Variants in ARL15 observed in about 807,000 individuals in gnomAD.
The protein encoded by ARL15 is ADP-ribosylation factor-like protein 15.
ARL15 carries 19 observed loss-of-function variants against 25.2 expected under a neutral mutation model. The observed-to-expected ratio is 0.75, with a 90% CI of 0.53 to 1.10. The LOEUF is 1.10. ARL15 is among the 50% of genes least tolerant of loss of function. ARL15 has a pLI of 0.00. For missense variants in ARL15, 220 were observed against 246.0 expected (o/e 0.89, Z 0.71); for synonymous variants, 94 against 86.8 (o/e 1.08, Z -0.46).
chr5:53,957,528 G>A (rs935086284), intron 4 of ARL15, among the ~76,000 whole-genome samples: 1 of 151,970 alleles, frequency 6.6e-6, no homozygotes, highest in Non-Finnish European at 1.5e-5. Flanking sequence ...AAGACATAAA[G>A]AATGCCGTTA....
chr5:54,178,144 T>C (rs528689587), intron 1 of ARL15, among the ~76,000 whole-genome samples: 2 of 152,280 alleles, frequency 1.3e-5, no homozygotes, highest in African/African-American at 4.8e-5. Flanking sequence ...TAGACGAGAA[T>C]CTAGCTCAAA....
intron 1 of ARL15, among the ~76,000 whole-genome samples, chr5:54,295,947 G>T (rs554157644): frequency 6.6e-6 from 1 of 152,286 alleles, no homozygotes; most frequent in African/African-American, 2.4e-5. Context: ...GGAACTGAAG[G>T]CTCCAAACAA....
intron 4 of ARL15, among the ~76,000 whole-genome samples, chr5:54,071,979 G>GAAAAAAA (rs71989027): frequency 1.6e-3 from 199 of 125,946 alleles, no homozygotes; most frequent in Non-Finnish European, 2.2e-3. Flanking sequence ...CTCAAAAAAA[G>GAAAAAAA]AAAAAAAAAA....
intron 4 of ARL15, among the ~76,000 whole-genome samples, chr5:53,922,557 A>G (rs952808292): frequency 3.3e-5 from 5 of 152,224 alleles, no homozygotes; most frequent in Non-Finnish European, 7.3e-5. Context: ...CGTTGGTGGC[A>G]GTGCTGTAGT....
intron 4 of ARL15, among the ~76,000 whole-genome samples, chr5:53,898,595 T>C (rs979295818): frequency 6.6e-6 from 1 of 152,118 alleles, no homozygotes; most frequent in Admixed American, 6.5e-5. Context: ...ATTTTTTTAA[T>C]TGTATTCCTT....
At chr5:54,042,228 C>T (rs1173778591) in intron 4 of ARL15, among the ~76,000 whole-genome samples, 1 of 152,172 alleles carries the variant, frequency 6.6e-6, no homozygotes, top group Non-Finnish European at 1.5e-5. Context: ...CTCAGCCTCC[C>T]AAAGTGCTGG....
chr5:54,099,548 C>T (rs994598411), intron 4 of ARL15, among the ~76,000 whole-genome samples: 3 of 151,880 alleles, frequency 2.0e-5, no homozygotes, highest in Admixed American at 6.6e-5. Context: ...CTTTAAGTAC[C>T]CTCAAAGGAA....
At chr5:53,890,500 A>G (rs931791806) in intron 4 of ARL15, among the ~76,000 whole-genome samples, 7 of 152,248 alleles carry the variant, frequency 4.6e-5, no homozygotes, top group South Asian at 2.1e-4. Context: ...AACTTCTTGA[A>G]TAAGGAGATA....
At chr5:54,241,505 C>T (rs1756956503) in intron 1 of ARL15, among the ~76,000 whole-genome samples, 1 of 151,830 alleles carries the variant, frequency 6.6e-6, no homozygotes, top group African/African-American at 2.4e-5. Context: ...TTTCCAAGAC[C>T]ACATGATTTT....
At chr5:53,893,791 C>T (rs888241936) in intron 4 of ARL15, among the ~76,000 whole-genome samples, 5 of 152,164 alleles carry the variant, frequency 3.3e-5, no homozygotes, top group Non-Finnish European at 7.4e-5. Flanking sequence ...CACGCCATGG[C>T]TCCAGGACAG....
intron 1 of ARL15, among the ~76,000 whole-genome samples, chr5:54,239,963 C>G (rs900234131): frequency 2.6e-5 from 4 of 152,170 alleles, no homozygotes; most frequent in Non-Finnish European, 5.9e-5. Flanking sequence ...CGCGGTGGCT[C>G]AGGCCTGTAA....
intron 1 of ARL15, among the ~76,000 whole-genome samples, chr5:54,251,978 G>A (rs558837206): frequency 6.6e-6 from 1 of 152,310 alleles, no homozygotes; most frequent in African/African-American, 2.4e-5. Flanking sequence ...AGAGGACCAC[G>A]TCAAACAACT....
At chr5:54,125,994 G>A (rs895221145) in intron 3 of ARL15, among the ~76,000 whole-genome samples, 9 of 151,956 alleles carry the variant, frequency 5.9e-5, no homozygotes, top group South Asian at 2.1e-4. Context: ...AGGGTTTGCC[G>A]GGTGCCATGT....
At chr5:54,192,423 T>A (rs1227553387) in intron 1 of ARL15, among the ~76,000 whole-genome samples, 1 of 152,126 alleles carries the variant, frequency 6.6e-6, no homozygotes, top group African/African-American at 2.4e-5. Flanking sequence ...ATAAGTCCCA[T>A]GACGGCAAGA....
At chr5:54,098,346 T>C (rs1752345556) in intron 4 of ARL15, among the ~76,000 whole-genome samples, 1 of 152,172 alleles carries the variant, frequency 6.6e-6, no homozygotes, top group Non-Finnish European at 1.5e-5. Flanking sequence ...CAAGTCTTTT[T>C]CACACCGTTC....
chr5:53,928,498 A>C (rs963039516), intron 4 of ARL15, among the ~76,000 whole-genome samples: 1 of 152,210 alleles, frequency 6.6e-6, no homozygotes, highest in African/African-American at 2.4e-5. Context: ...GGCTTTGCCA[A>C]ATACCCTTTA....
At chr5:54,031,697 G>A (rs902796632) in intron 4 of ARL15, among the ~76,000 whole-genome samples, 7 of 152,066 alleles carry the variant, frequency 4.6e-5, no homozygotes, top group African/African-American at 1.4e-4. Flanking sequence ...CATTCATGGC[G>A]AGAGTACTTG....
At chr5:54,303,245 G>A (rs1195798260) in intron 1 of ARL15, among the ~76,000 whole-genome samples, 3 of 152,128 alleles carry the variant, frequency 2.0e-5, no homozygotes, top group Non-Finnish European at 4.4e-5. Context: ...AATGGGGCTG[G>A]GCACAGTGGC....
intron 4 of ARL15, among the ~76,000 whole-genome samples, chr5:54,046,118 AG>A (rs1160662868): frequency 1.3e-5 from 2 of 152,226 alleles, no homozygotes; most frequent in African/African-American, 2.4e-5. Flanking sequence ...GTATGTATTA[AG>A]TCCTAGAAAG....
Sources: allele counts gnomAD v4.1 joint callset (sites outside exome capture counted in the v4.1 genomes callset), GRCh38; gene constraint gnomAD v4.1.1; transcripts MANE v1.5; gene names NCBI Gene and HGNC (gene_info 2026-07-23, HGNC 2026-07-21).